The following FMNL2 variants were observed in gnomAD, a reference collection of about 807,000 sequenced individuals.
FMNL2 encodes formin like 2, also known as formin-like protein 2.
A neutral mutation model predicts 130.2 loss-of-function variants in FMNL2; 51 were observed. The observed-to-expected ratio is 0.39, with a 90% CI of 0.31 to 0.49. FMNL2 has a LOEUF of 0.49. Ranked by LOEUF, FMNL2 falls within the 20% of genes least tolerant of loss-of-function variation. FMNL2 has a pLI of 0.85. For synonymous variants in FMNL2, 465 were observed against 467.1 expected (o/e 1.00, Z 0.06); for missense variants, 977 against 1,316.2 (o/e 0.74, Z 3.99).
intron 1 of FMNL2, among the ~76,000 whole-genome samples, chr2:152,442,737 C>G (rs1299249090): frequency 6.6e-6 from 1 of 152,146 alleles, no homozygotes; most frequent in African/African-American, 2.4e-5. Flanking sequence ...GGAACAATGA[C>G]AAACCACTGA....
chr2:152,542,958 C>A, intron 3 of FMNL2, 139 bp downstream of exon 3: 1 of 841,638 alleles, frequency 1.2e-6, no homozygotes, highest in Non-Finnish European at 1.9e-6. Context: ...GGGAGACCAA[C>A]AACGTAAGAA....
In FMNL2 at chr2:152,369,609, G is replaced by A. The variant is rs182293472; in HGVS notation, c.117+33889G>A. Reference sequence around the variant, plus strand: ...TTGGTGCACTTACTGCGTGCCGATTGTCTAGGCCACTGACACATGCAACTT... The same window carrying A: ...TTGGTGCACTTACTGCGTGCCGATTATCTAGGCCACTGACACATGCAACTT... On this transcript the variant is annotated intron_variant, in intron 1 of 25. Coordinates refer to ENST00000288670, the MANE Select transcript of FMNL2 (RefSeq NM_052905.4). Among the ~76,000 whole-genome samples the A allele has an allele frequency of 1.4e-4, 21 of 152,318 alleles. No individual in the cohort carries two copies. In the East Asian group the frequency reaches 3.3e-3, roughly 24 times the overall value.
chr2:152,546,013 T>C (rs1202496027), intron 3 of FMNL2, among the ~76,000 whole-genome samples: 2 of 152,286 alleles, frequency 1.3e-5, no homozygotes, highest in East Asian at 3.9e-4. Context: ...TATTATTACC[T>C]CATCGTGTTT....
rs16831137 is a variant in FMNL2, at chr2:152,450,801, A to G, written c.118-71142A>G. ...CTCTCACAAAAGCTCATAGCCTCTT[A>G]CCTGTCCACTCGTTCCTTAAAATCA... is the stretch of plus-strand genomic sequence containing the variant. On this transcript the variant is annotated intron_variant, in intron 1 of 25. Coordinates refer to ENST00000288670, the MANE Select transcript of FMNL2 (RefSeq NM_052905.4). 3.7e-3 allele frequency among the ~76,000 whole-genome samples: 562 copies of G among 152,244 alleles called. 3 individuals are homozygous for G. The highest frequency in any genetic ancestry group is 0.013 in the African/African-American group (538 of 41,550).
At chr2:152,486,068 T>C (rs1389563628) in intron 1 of FMNL2, among the ~76,000 whole-genome samples, 1 of 152,180 alleles carries the variant, frequency 6.6e-6, no homozygotes, top group African/African-American at 2.4e-5. Flanking sequence ...CTAAGATAAA[T>C]AGATAGCAAC....
At chr2:152,483,502 G>A (rs1046887675) in intron 1 of FMNL2, among the ~76,000 whole-genome samples, 1 of 152,184 alleles carries the variant, frequency 6.6e-6, no homozygotes, top group African/African-American at 2.4e-5. Flanking sequence ...ATGCATGGTA[G>A]ACTTTCTAGA....
chr2:152,423,470 A>G (rs971796178), intron 1 of FMNL2, among the ~76,000 whole-genome samples: 6 of 152,202 alleles, frequency 3.9e-5, no homozygotes, highest in Admixed American at 2.0e-4. Context: ...GAATGGGGGA[A>G]GCAGTAGCTA....
At chr2:152,337,193 C>T (rs1681521528) in intron 1 of FMNL2, among the ~76,000 whole-genome samples, 1 of 152,166 alleles carries the variant, frequency 6.6e-6, no homozygotes, top group South Asian at 2.1e-4. Flanking sequence ...CACCGTTGTG[C>T]AAGATGGGAC....
At chr2:152,353,221 A>G (rs954018282) in intron 1 of FMNL2, among the ~76,000 whole-genome samples, 3 of 152,200 alleles carry the variant, frequency 2.0e-5, no homozygotes, top group African/African-American at 7.2e-5. Context: ...TGAAGTTTCT[A>G]ATATTTTAGA....
intron 2 of FMNL2, among the ~76,000 whole-genome samples, chr2:152,529,335 T>C (rs981643106): frequency 3.9e-5 from 6 of 152,158 alleles, no homozygotes; most frequent in South Asian, 2.1e-4. Context: ...CAGACAAGAA[T>C]TGGCTGTGGG....
At chr2:152,514,030 T>A (rs1447839531) in intron 1 of FMNL2, among the ~76,000 whole-genome samples, 4 of 151,906 alleles carry the variant, frequency 2.6e-5, no homozygotes, top group Non-Finnish European at 5.9e-5. Context: ...TGGAAGGAAA[T>A]GGATTTTAGG....
At chr2:152,449,280 C>T (rs75027754) in intron 1 of FMNL2, among the ~76,000 whole-genome samples, 5,662 of 152,174 alleles carry the variant, frequency 0.037, 281 homozygotes, top group African/African-American at 0.11. Context: ...GCTTAATATG[C>T]AGTGATATGC....
chr2:152,573,718 T>C (rs1315836200), intron 6 of FMNL2, among the ~76,000 whole-genome samples: 1 of 152,200 alleles, frequency 6.6e-6, no homozygotes, highest in African/African-American at 2.4e-5. Context: ...AACAAATAAT[T>C]GGAGAAAATA....
chr2:152,480,112 C>T (rs1579768841), intron 1 of FMNL2, among the ~76,000 whole-genome samples: 2 of 152,304 alleles, frequency 1.3e-5, no homozygotes, highest in East Asian at 3.9e-4. Flanking sequence ...GCTACCTCTT[C>T]AGCCTGGACA....
intron 1 of FMNL2, among the ~76,000 whole-genome samples, chr2:152,346,649 A>G (rs963643808): frequency 6.6e-6 from 1 of 152,136 alleles, no homozygotes; most frequent in Non-Finnish European, 1.5e-5. Context: ...ACAAAGTAAG[A>G]TACCCTATCT....
intron 1 of FMNL2, among the ~76,000 whole-genome samples, chr2:152,412,455 TATATATATATATATATATATATATA>T (rs1686356083): frequency 1.4e-4 from 1 of 7,064 alleles, no homozygotes; most frequent in African/African-American, 4.1e-4. Context: ...TTTATATATA[TATATATATATATATATATATATATA>T]TATATATATA....
intron 1 of FMNL2, among the ~76,000 whole-genome samples, chr2:152,450,145 AC>A (rs1281424207): frequency 2.6e-5 from 4 of 152,254 alleles, no homozygotes; most frequent in African/African-American, 9.6e-5. Flanking sequence ...CATTAAAAAA[AC>A]AATTAGACAA....
At chr2:152,397,431 G>C (rs753488807) in intron 1 of FMNL2, among the ~76,000 whole-genome samples, 2 of 152,096 alleles carry the variant, frequency 1.3e-5, no homozygotes, top group Non-Finnish European at 2.9e-5. Context: ...TTACCTGCTG[G>C]AATTTTTCAT....
intron 1 of FMNL2, among the ~76,000 whole-genome samples, chr2:152,363,179 A>G (rs1015780799): frequency 1.3e-5 from 2 of 152,218 alleles, no homozygotes; most frequent in African/African-American, 4.8e-5. Flanking sequence ...TGGGTGAATC[A>G]TATGCTATAG....
Sources: allele counts gnomAD v4.1 joint callset (sites outside exome capture counted in the v4.1 genomes callset), GRCh38; gene constraint gnomAD v4.1.1; transcripts MANE v1.5; gene names NCBI Gene and HGNC (gene_info 2026-07-23, HGNC 2026-07-21).